The following HECTD4 variants were observed in gnomAD, a reference collection of about 807,000 sequenced individuals.
HECTD4 encodes HECT domain E3 ubiquitin protein ligase 4, also known as probable E3 ubiquitin-protein ligase HECTD4.
A neutral mutation model predicts 471.5 loss-of-function variants in HECTD4; 114 were observed. The ratio of observed to expected loss-of-function variants is 0.24; its 90% confidence interval spans 0.21 to 0.28. The LOEUF (loss-of-function observed/expected upper bound fraction) is 0.28, where lower values mean the gene tolerates loss of function less well. HECTD4 is among the 10% of genes least tolerant of loss of function. The probability of loss-of-function intolerance (pLI) is 1.00; values close to 1 mark genes in which losing one functional copy is unlikely to be tolerated. For missense variants in HECTD4, 3,866 were observed against 5,651.5 expected, an observed-to-expected ratio of 0.68 and a Z score of 10.13; for synonymous variants, 2,012 against 2,256.0, an observed-to-expected ratio of 0.89 and a Z score of 3.07.
At chr12:112,171,022 G>T (rs769801833) in intron 68 of HECTD4, 95 bp downstream of exon 68, 3 of 1,080,120 alleles carry the variant, frequency 2.8e-6, no homozygotes, top group East Asian at 2.7e-5. Flanking sequence ...CTTCCTGGCG[G>T]GGCTGCCCAA....
chr12:112,298,380 G>A (rs896341868), intron 7 of HECTD4, among the ~76,000 whole-genome samples: 15 of 151,958 alleles, frequency 9.9e-5, no homozygotes, highest in Admixed American at 9.2e-4. Flanking sequence ...AATACACACA[G>A]TGTTCTGAGC....
In HECTD4 at chr12:112,172,880, G is replaced by A. The variant is rs368393995; in HGVS notation, c.11595-19C>T. On this transcript the variant is annotated intron_variant, in intron 66 of 75. Coordinates refer to ENST00000682272, the MANE Select transcript of HECTD4 (RefSeq NM_001388303.1). ...TGCGCACCTTGGGGTGGGGACAGGG[G>A]GAGAGGGGCAAAGTGAGGCAGGGCA... 29 of 1,610,886 alleles carry A rather than the reference G, an allele frequency of 1.8e-5. 1 individual carries two copies. The Admixed American group carries it at 3.7e-4, about 20-fold the overall frequency.
intron 20 of HECTD4, 34 bp downstream of exon 20, chr12:112,258,462 A>G (rs750832537): frequency 6.8e-7 from 1 of 1,464,078 alleles, no homozygotes; most frequent in Admixed American, 2.4e-5. Flanking sequence ...AGAAAACAAG[A>G]AAAGGGTTCC....
In HECTD4 at chr12:112,226,721, A is replaced by T; in HGVS notation, c.6892T>A (p.Leu2298Ile). ...LVMAQLLEDSLFCEEFIQQCP... is the reference protein window; with the variant it reads ...LVMAQLLEDSIFCEEFIQQCP... ...TGTTGTATGAATTCTTCACAAAATAAGCTGTCTTCTAAAAGCTGGGCCATG... is the reference window on the plus strand; with the variant it reads ...TGTTGTATGAATTCTTCACAAAATATGCTGTCTTCTAAAAGCTGGGCCATG... Residue 2298 changes from leucine (L) to isoleucine (I), a missense_variant, in exon 44 of 76, where the codon TTA (leucine) becomes ATA (isoleucine). This residue lies in a region of HECTD4 where 617 missense variants were observed against 915.1 expected (regional missense o/e 0.67). Coordinates refer to ENST00000682272, the MANE Select transcript of HECTD4 (RefSeq NM_001388303.1). 1 of 1,612,932 alleles carries T rather than the reference A, an allele frequency of 6.2e-7. No homozygotes were observed. Among genetic ancestry groups the T allele is most frequent in the Non-Finnish European group, 8.5e-7 (1 of 1,179,298 alleles).
intron 1 of HECTD4, among the ~76,000 whole-genome samples, chr12:112,363,022 C>G (rs1350448091): frequency 6.6e-6 from 1 of 151,928 alleles, no homozygotes; most frequent in Non-Finnish European, 1.5e-5. Context: ...TTTTCTACAT[C>G]TTCTAAATTT....
At position 112,194,756 on chromosome 12, in the gene HECTD4, T is replaced by A. The variant is rs2032182120; in HGVS notation, c.8749+129A>T. 1 of 799,788 alleles carries A rather than the reference T, an allele frequency of 1.3e-6. No individual in the cohort carries two copies. Among genetic ancestry groups the A allele is most frequent in the Admixed American group, 2.8e-5 (1 of 35,760 alleles). 49.5% of individuals were successfully genotyped at this position (799,788 alleles called of 1,614,324 possible). A position where few individuals can be genotyped will look rare whatever the true frequency, so the allele number is the denominator to read the frequency against. ...TGCCAGGAGAATCCCAGTTCCTGCG[T>A]GCAATTTCTCACGTGAGCCTATGCG... On this transcript the variant is annotated intron_variant, in intron 56 of 75. Coordinates refer to ENST00000682272, the MANE Select transcript of HECTD4 (RefSeq NM_001388303.1). The surrounding 1 kb of genome is among the most constrained non-coding windows in gnomAD (Gnocchi z 4.6).
At position 112,270,410 on chromosome 12, in the gene HECTD4, A is replaced by T; in HGVS notation, c.1992T>A (p.Val664=). ...NEVINQLLHH[V]GAMCIHQLNL... is the part of the protein sequence containing the mutation. ...TGAGTTGGTGTATGCACATCGCACC[A>T]ACGTGGTGCAATAATTGGTTTATAA... Residue 664 remains valine, a synonymous_variant, in exon 12 of 76, where the codon GTT becomes GTA. Transcript: ENST00000682272. 1 of 1,614,038 alleles carries T rather than the reference A, an allele frequency of 6.2e-7. No homozygotes were observed. The highest frequency in any genetic ancestry group is 8.5e-7 in the Non-Finnish European group (1 of 1,179,902).
At chr12:112,363,268 A>ACT (rs948596691) in intron 1 of HECTD4, among the ~76,000 whole-genome samples, 3 of 149,002 alleles carry the variant, frequency 2.0e-5, no homozygotes, top group South Asian at 2.1e-4. Flanking sequence ...GCATACACAC[A>ACT]CTCTCTCTCT....
At position 112,239,042 on chromosome 12, in the gene HECTD4, G is replaced by C; in HGVS notation, c.5290+10C>G. ...ATCAGTGAGCTCTAGAAAGGAGTCT[G>C]GCATCTCACCTTCCTCTTTTTCCCA... is the stretch of plus-strand genomic sequence containing the variant. On this transcript the variant is annotated intron_variant, in intron 34 of 75. Transcript: ENST00000682272. The surrounding 1 kb of genome is among the most constrained non-coding windows in gnomAD (Gnocchi z 4.9). The C allele has an allele frequency of 6.2e-7, 1 of 1,605,076 alleles. No homozygotes were observed.
At chr12:112,170,231 C>T (rs560713897) in intron 69 of HECTD4, 102 bp downstream of exon 69, 149 of 1,472,802 alleles carry the variant, frequency 1.0e-4, no homozygotes, top group South Asian at 9.0e-4. Flanking sequence ...CAGGAGGAAC[C>T]GCTGCACCAG....
At chr12:112,258,824 A>C (rs916724510) in intron 19 of HECTD4, 2 of 556,862 alleles carry the variant, frequency 3.6e-6, no homozygotes, top group Non-Finnish European at 6.2e-6. Context: ...GACTCAGGAG[A>C]CAAACTATAA....
chr12:112,247,860 T>A (rs1166818147), intron 27 of HECTD4, among the ~76,000 whole-genome samples: 1 of 152,164 alleles, frequency 6.6e-6, no homozygotes, highest in East Asian at 1.9e-4. Context: ...AAAAACAACC[T>A]AATGAGTAAT....
At chr12:112,272,140 C>T (rs2034427185) in intron 11 of HECTD4, among the ~76,000 whole-genome samples, 1 of 152,122 alleles carries the variant, frequency 6.6e-6, no homozygotes. Context: ...CCTCAGCCTC[C>T]CAGTTCAAGT....
intron 67 of HECTD4, among the ~76,000 whole-genome samples, 197 bp downstream of exon 67, chr12:112,172,474 A>T (rs1188869608): frequency 1.3e-5 from 2 of 152,234 alleles, no homozygotes; most frequent in Non-Finnish European, 2.9e-5. Context: ...CAGACTAATT[A>T]GGCCACAGTC....
At chr12:112,305,719 TCA>T (rs1269818175) in intron 7 of HECTD4, among the ~76,000 whole-genome samples, 2 of 152,192 alleles carry the variant, frequency 1.3e-5, no homozygotes, top group Admixed American at 1.3e-4. Flanking sequence ...GTTATCTCTC[TCA>T]GAGACTCCCA....
At chr12:112,256,582 T>A in intron 20 of HECTD4, 64 bp from the exon 21 acceptor site, 1 of 1,178,460 alleles carries the variant, frequency 8.5e-7, no homozygotes, top group Non-Finnish European at 1.1e-6. Context: ...AATGTAAACA[T>A]TAAATTGCTC....
chr12:112,235,625 C>T lies in HECTD4; in HGVS notation c.5604G>A (p.Val1868=), dbSNP rs1168109653. The T allele has an allele frequency of 1.2e-6, 2 of 1,613,998 alleles. No individual in the cohort carries two copies. Among genetic ancestry groups the T allele is most frequent in the Non-Finnish European group, 8.5e-7 (1 of 1,179,878 alleles). The stretch of plus-strand genomic sequence containing the variant: ...CAGAGTAGCTCCAGGGTGGGAGCTC[C>T]ACGTTTCCACAGTCTTCTACGCTCA... ...PLMSVEDCGN[V]ELPPWSYSVP... is the part of the protein sequence containing the mutation. Residue 1868 remains valine, a synonymous_variant, in exon 36 of 76, where the codon GTG becomes GTA. Transcript: ENST00000682272. The surrounding 1 kb of genome is among the most constrained non-coding windows in gnomAD (Gnocchi z 5.0).
chr12:112,301,875 CCAGTT>C, intron 7 of HECTD4: 1 of 967,812 alleles, frequency 1.0e-6, no homozygotes. Flanking sequence ...TACATTTAAC[CCAGTT>C]TAGTGGCAAG....
At chr12:112,164,383 G>T (rs560687679) in intron 72 of HECTD4, 108 bp from the exon 73 acceptor site, 2 of 1,194,854 alleles carry the variant, frequency 1.7e-6, no homozygotes, top group Non-Finnish European at 2.4e-6. Context: ...GTCTACCCTC[G>T]GCCGTGTAGA....
Sources: allele counts gnomAD v4.1 joint callset (sites outside exome capture counted in the v4.1 genomes callset), GRCh38; gene constraint gnomAD v4.1.1; regional missense constraint gnomAD v4.1.1; non-coding constraint Gnocchi (gnomAD v3.1); transcripts MANE v1.5; gene names NCBI Gene and HGNC (gene_info 2026-07-23, HGNC 2026-07-21).